Variants in EFCAB8 observed in about 807,000 individuals in gnomAD.
EFCAB8 encodes EF-hand calcium-binding domain-containing protein 8.
Under a neutral mutation model 116.3 loss-of-function variants are expected in EFCAB8, and 100 were observed. That is an observed-to-expected ratio of 0.86 (90% CI 0.73 to 1.02). EFCAB8 has a LOEUF of 1.02. EFCAB8 is among the 50% of genes least tolerant of loss of function. The probability of loss-of-function intolerance (pLI) is 0.00; values close to 1 mark genes in which losing one functional copy is unlikely to be tolerated. For synonymous variants in EFCAB8, 558 were observed against 567.9 expected (o/e 0.98, Z 0.25); for missense variants, 1,320 against 1,416.9 (o/e 0.93, Z 1.10).
intron 23 of EFCAB8, among the ~76,000 whole-genome samples, chr20:32,948,813 T>C (rs1160291074): frequency 6.6e-6 from 1 of 152,150 alleles, no homozygotes; most frequent in African/African-American, 2.4e-5. Flanking sequence ...TCAACATCCA[T>C]TTCTGATAAA....
chr20:32,919,025 T>G (rs1343019065), intron 19 of EFCAB8, among the ~76,000 whole-genome samples: 1 of 152,134 alleles, frequency 6.6e-6, no homozygotes, highest in Non-Finnish European at 1.5e-5. Context: ...TTCCTCCTCC[T>G]CTGAGCCTCA....
chr20:32,913,288 C>T (rs1030285580), intron 17 of EFCAB8, among the ~76,000 whole-genome samples: 1 of 152,154 alleles, frequency 6.6e-6, no homozygotes, highest in Non-Finnish European at 1.5e-5. Flanking sequence ...CTTCCTGATT[C>T]ATAGACAGCT....
At chr20:32,877,207 C>CTTTTTTTTTTTTTTTTTTTTTTT (rs757130907) in intron 4 of EFCAB8, among the ~76,000 whole-genome samples, 1 of 115,054 alleles carries the variant, frequency 8.7e-6, no homozygotes, top group Non-Finnish European at 1.8e-5. Context: ...TTATTTCTTT[C>CTTTTTTTTTTTTTTTTTTTTTTT]TTTTTTTTTT....
intron 13 of EFCAB8, 135 bp downstream of exon 13, chr20:32,907,129 G>A: frequency 7.0e-7 from 1 of 1,423,476 alleles, no homozygotes; most frequent in Non-Finnish European, 9.1e-7. Context: ...GTGGGAGGAA[G>A]GTGAGGGTGG....
intron 22 of EFCAB8, among the ~76,000 whole-genome samples, chr20:32,942,332 A>G (rs1054762476): frequency 5.9e-5 from 9 of 152,112 alleles, no homozygotes; most frequent in African/African-American, 2.2e-4. Context: ...TTGTCTCTTC[A>G]TGTCCTTTGC....
intron 14 of EFCAB8, 54 bp downstream of exon 14, chr20:32,908,466 G>T (rs1986779744): frequency 1.6e-6 from 2 of 1,248,844 alleles, no homozygotes; most frequent in Admixed American, 8.4e-5. Context: ...GAGGGCCAGG[G>T]TCTGAATCCC....
chr20:32,951,985 C>G (rs1333594316), intron 23 of EFCAB8, among the ~76,000 whole-genome samples: 21 of 152,144 alleles, frequency 1.4e-4, no homozygotes, highest in Non-Finnish European at 7.3e-5. Context: ...AGTGGCCAGG[C>G]ATGGTGGCTC....
intron 1 of EFCAB8, among the ~76,000 whole-genome samples, chr20:32,860,101 A>C (rs1272617742): frequency 6.6e-6 from 1 of 152,168 alleles, no homozygotes; most frequent in Non-Finnish European, 1.5e-5. Context: ...GAGGCCAAGG[A>C]GTTTGAGACC....
chr20:32,869,438 G>GT (rs1449935679), intron 3 of EFCAB8, among the ~76,000 whole-genome samples: 4 of 152,136 alleles, frequency 2.6e-5, no homozygotes. Context: ...GTTTCTCCAT[G>GT]TTGGGCAGGC....
chr20:32,893,434 CA>C, intron 9 of EFCAB8, 136 bp downstream of exon 9: 1 of 1,308,244 alleles, frequency 7.6e-7, no homozygotes, highest in African/African-American at 1.5e-5. Context: ...CTTCCAAGCG[CA>C]GGGTGCATGC....
chr20:32,959,562 G>A (rs754407293), intron 24 of EFCAB8, among the ~76,000 whole-genome samples: 11 of 152,170 alleles, frequency 7.2e-5, no homozygotes, highest in Non-Finnish European at 1.0e-4. Context: ...ACAGAGTGGT[G>A]GGAGAGTGGC....
chr20:32,864,653 G>A (rs577323517), intron 2 of EFCAB8, among the ~76,000 whole-genome samples: 2 of 152,236 alleles, frequency 1.3e-5, no homozygotes, highest in African/African-American at 4.8e-5. Context: ...CGGTCTGTAC[G>A]TGGACTCCAC....
intron 22 of EFCAB8, among the ~76,000 whole-genome samples, chr20:32,940,828 A>G (rs143688150): frequency 7.3e-5 from 11 of 150,260 alleles, no homozygotes; most frequent in Middle Eastern, 3.4e-3. Context: ...GGTGAACATC[A>G]TTAGCTATCA....
At chr20:32,944,347 C>G (rs1281437634) in intron 23 of EFCAB8, among the ~76,000 whole-genome samples, 2 of 152,042 alleles carry the variant, frequency 1.3e-5, no homozygotes, top group African/African-American at 4.8e-5. Context: ...TGCCTGTAAT[C>G]CCAGCTACTT....
intron 7 of EFCAB8, 125 bp downstream of exon 7, chr20:32,889,531 G>C: frequency 1.0e-6 from 1 of 960,582 alleles, no homozygotes; most frequent in Non-Finnish European, 1.6e-6. Context: ...GGATAGCCAG[G>C]TGGAGAGGCC....
intron 9 of EFCAB8, among the ~76,000 whole-genome samples, chr20:32,895,703 C>A (rs1986126906): frequency 6.6e-6 from 1 of 151,830 alleles, no homozygotes; most frequent in African/African-American, 2.4e-5. Context: ...TCCTGAGTAG[C>A]TGTGATTACA....
Position 32,885,707 on chromosome 20 carries a change from T to C in EFCAB8, c.567+67T>C. 4.6e-6 allele frequency: 7 copies of C among 1,523,726 alleles called. No individual in the cohort carries two copies. The South Asian group carries it at 7.3e-5, about 16-fold the overall frequency. The allele number at this position is 1,523,726 out of a possible 1,614,324, so 94.4% of individuals were successfully genotyped here. On this transcript the variant is annotated intron_variant, in intron 6 of 26. Transcript: ENST00000400522. ...GAGAGCCTCTGCCTTAGCACCCCCA[T>C]GGTGAAGGTGACCTGGAGCCAGGCA...
intron 1 of EFCAB8, among the ~76,000 whole-genome samples, chr20:32,862,713 T>C (rs1024430147): frequency 2.0e-5 from 3 of 152,062 alleles, no homozygotes; most frequent in Non-Finnish European, 4.4e-5. Context: ...TGGCAACCTC[T>C]GCCTCCCAGG....
intron 5 of EFCAB8, among the ~76,000 whole-genome samples, chr20:32,882,257 T>C (rs1985377614): frequency 6.6e-6 from 1 of 151,838 alleles, no homozygotes; most frequent in Non-Finnish European, 1.5e-5. Context: ...GCTGATCAGT[T>C]TCTACCTTCT....
Sources: gnomAD v4.1 joint callset for allele counts (sites outside exome capture counted in the v4.1 genomes callset) on GRCh38, gnomAD v4.1.1 for gene constraint, MANE v1.5 for transcripts, NCBI Gene and HGNC (gene_info 2026-07-23, HGNC 2026-07-21) for gene names.